KAT6B: variants seen among roughly 807,000 people sequenced by gnomAD.
KAT6B encodes histone acetyltransferase KAT6B.
A neutral mutation model predicts 187.5 loss-of-function variants in KAT6B; 10 were observed. The observed-to-expected ratio is 0.05, with a 90% CI of 0.03 to 0.09. The LOEUF (loss-of-function observed/expected upper bound fraction) is 0.09, where lower values mean the gene tolerates loss of function less well. Ranked by LOEUF, KAT6B falls within the 10% of genes least tolerant of loss-of-function variation. The pLI is 1.00. For synonymous variants in KAT6B, 861 were observed against 926.8 expected, an observed-to-expected ratio of 0.93 and a Z score of 1.29; for missense variants, 1,952 against 2,558.9, an observed-to-expected ratio of 0.76 and a Z score of 5.12.
intron 13 of KAT6B, among the ~76,000 whole-genome samples, chr10:74,995,343 GTTTGTTTTTTATTTTATA>G (rs2133917304): frequency 6.6e-6 from 1 of 152,216 alleles, no homozygotes; most frequent in East Asian, 1.9e-4. Context: ...ATTTGTTTCT[GTTTGTTTTTTATTTTATA>G]CTTGTTACCT....
At chr10:75,014,648 G>T (rs1390353253) in intron 13 of KAT6B, among the ~76,000 whole-genome samples, 1 of 152,182 alleles carries the variant, frequency 6.6e-6, no homozygotes, top group East Asian at 1.9e-4. Context: ...CTATTCAAGT[G>T]TGGTCCATGG....
At chr10:74,961,209 C>T (rs895324875) in intron 4 of KAT6B, among the ~76,000 whole-genome samples, 1 of 152,140 alleles carries the variant, frequency 6.6e-6, no homozygotes, top group African/African-American at 2.4e-5. Context: ...TCTGTACGTT[C>T]AGTTTAATAC....
chr10:74,896,117 T>TA (rs562144934), intron 3 of KAT6B, among the ~76,000 whole-genome samples: 47 of 152,102 alleles, frequency 3.1e-4, no homozygotes, highest in Non-Finnish European at 6.6e-4. Flanking sequence ...GCCTCTTAGG[T>TA]ACAGCCCAGG....
At chr10:74,939,557 C>T (rs909520389) in intron 3 of KAT6B, among the ~76,000 whole-genome samples, 6 of 151,986 alleles carry the variant, frequency 3.9e-5, no homozygotes, top group African/African-American at 1.5e-4. Context: ...TGCGCCACCA[C>T]GACCGGCTAA....
intron 3 of KAT6B, among the ~76,000 whole-genome samples, chr10:74,894,013 C>G (rs1845818216): frequency 6.6e-6 from 1 of 152,196 alleles, no homozygotes; most frequent in African/African-American, 2.4e-5. Context: ...TAATAAAGGT[C>G]ACGTCCCCAT....
chr10:74,991,348 A>T (rs1026518387), intron 13 of KAT6B, among the ~76,000 whole-genome samples: 5 of 152,234 alleles, frequency 3.3e-5, no homozygotes, highest in Non-Finnish European at 7.3e-5. Flanking sequence ...ACTGGTACTT[A>T]CTAGGTAAAA....
chr10:75,013,413 G>C (rs926590157), intron 13 of KAT6B, among the ~76,000 whole-genome samples: 13 of 151,924 alleles, frequency 8.6e-5, no homozygotes, highest in African/African-American at 2.2e-4. Flanking sequence ...GGTTAGCTGG[G>C]GGGAGGGGAG....
chr10:74,885,203 G>A (rs1845150474), intron 3 of KAT6B, among the ~76,000 whole-genome samples: 1 of 151,816 alleles, frequency 6.6e-6, no homozygotes, highest in South Asian at 2.1e-4. Context: ...GAGTAGCTGG[G>A]ATTACAGGCA....
At chr10:74,825,991 C>A (rs1361668058), upstream of KAT6B, among the ~76,000 whole-genome samples, 1 of 151,728 alleles carries the variant, frequency 6.6e-6, no homozygotes, top group Non-Finnish European at 1.5e-5. This position sits in a 1 kb window ranked among gnomAD's most constrained non-coding sequence, Gnocchi z 5.0. Flanking sequence ...TCCGCACACT[C>A]CACCGAAGGA....
At chr10:74,896,584 C>G (rs890317833) in intron 3 of KAT6B, among the ~76,000 whole-genome samples, 1 of 152,228 alleles carries the variant, frequency 6.6e-6, no homozygotes, top group African/African-American at 2.4e-5. Flanking sequence ...GCCACAACAC[C>G]CGGCCTATTT....
At chr10:74,869,373 G>T (rs991398547) in intron 3 of KAT6B, among the ~76,000 whole-genome samples, 4 of 152,022 alleles carry the variant, frequency 2.6e-5, no homozygotes, top group Admixed American at 6.6e-5. Context: ...TCTCCCCTCA[G>T]TGCAACCTCT....
intron 10 of KAT6B, among the ~76,000 whole-genome samples, chr10:74,981,372 T>C (rs1397098198): frequency 6.6e-6 from 1 of 151,658 alleles, no homozygotes. Context: ...TTCCTTTCTT[T>C]CCTTTCTTTC....
At chr10:75,004,747 G>A (rs1389988667) in intron 13 of KAT6B, among the ~76,000 whole-genome samples, 2 of 152,156 alleles carry the variant, frequency 1.3e-5, no homozygotes, top group African/African-American at 2.4e-5. Flanking sequence ...TGTCACCCAG[G>A]CTGGAGTACA....
chr10:74,914,707 T>C (rs1472827693), intron 3 of KAT6B, among the ~76,000 whole-genome samples: 1 of 152,226 alleles, frequency 6.6e-6, no homozygotes, highest in Non-Finnish European at 1.5e-5. Flanking sequence ...TCAGTGCAAA[T>C]TGATATTTTT....
chr10:74,856,029 G>A (rs1429397510), intron 3 of KAT6B, among the ~76,000 whole-genome samples: 1 of 152,112 alleles, frequency 6.6e-6, no homozygotes, highest in East Asian at 1.9e-4. Context: ...ATTCGGCAGT[G>A]GAATGAGTGT....
chr10:74,843,652 G>A (rs897827790), intron 3 of KAT6B, among the ~76,000 whole-genome samples, 174 bp downstream of exon 3: 2 of 152,134 alleles, frequency 1.3e-5, no homozygotes, highest in African/African-American at 4.8e-5. Flanking sequence ...ATTGTGTGGA[G>A]GACTTCCTCA....
In KAT6B at chr10:75,025,164, C is replaced by G. The variant is rs1845724332; in HGVS notation, c.3579C>G (p.Phe1193Leu). Residue 1193 changes from phenylalanine (F) to leucine (L), a missense_variant, in exon 17 of 18, where the codon TTC (phenylalanine) becomes TTG (leucine). Physicochemically the swap from Phe to Leu is conservative, Grantham distance 22. Transcript: ENST00000287239. ...GGAAGCCAGTCCTGAGAAAAGCATTCCAGCATCAGCCTGGGAAGAAAAGAC... is the reference window on the plus strand; with the variant it reads ...GGAAGCCAGTCCTGAGAAAAGCATTGCAGCATCAGCCTGGGAAGAAAAGAC... ...DGRKPVLRKA[F>L]QHQPGKKRQT... is the part of the protein sequence containing the mutation. The G allele has an allele frequency of 6.2e-7, 1 of 1,614,146 alleles. No individual in the cohort carries two copies. The highest frequency in any genetic ancestry group is 8.5e-7 in the Non-Finnish European group (1 of 1,180,012).
rs564911192 is a variant in KAT6B, at chr10:74,982,836, G to A, written c.2373+908G>A. ...TGATGTCCTCTTTCTCTGGAATATA[G>A]TTTCACTTCTGGATTTTCTTTTTCT... On this transcript the variant is annotated intron_variant, in intron 11 of 17. Coordinates refer to ENST00000287239, the MANE Select transcript of KAT6B (RefSeq NM_012330.4). The A allele has an allele frequency of 3.3e-5, 5 of 152,366 alleles. No homozygotes were observed. In the South Asian group the frequency reaches 1.0e-3, roughly 32 times the overall value. The allele number at this position is 152,366 out of a possible 1,614,324, so 9.4% of individuals were successfully genotyped here. A position where few individuals can be genotyped will look rare whatever the true frequency, so the allele number is the denominator to read the frequency against.
rs759212867 is a variant in KAT6B, at chr10:74,976,186, A to C, written c.1849A>C (p.Ile617Leu). The change falls in exon 8 of 18, where the codon ATT becomes CTT. Residue 617 changes from isoleucine to leucine, a missense_variant. Ile to Leu is a conservative substitution (Grantham distance 5). Transcript: ENST00000287239. Reference protein sequence around the residue: ...GMARGSIFKAIAHFKRTTFLK... With the variant: ...GMARGSIFKALAHFKRTTFLK... ...GGCTAGAGGAAGTATTTTTAAAGCA[A>C]TTGCTCACTTCAAGCGAACAACTTT... is the stretch of plus-strand genomic sequence containing the variant. The C allele has an allele frequency of 5.0e-6, 8 of 1,614,032 alleles. No individual in the cohort carries two copies. The highest frequency in any genetic ancestry group is 3.3e-5 in the Admixed American group (2 of 60,004).
Sources: gnomAD v4.1 joint callset for allele counts (sites outside exome capture counted in the v4.1 genomes callset) on GRCh38, gnomAD v4.1.1 for gene constraint, Gnocchi (gnomAD v3.1) non-coding constraint, MANE v1.5 for transcripts, NCBI Gene and HGNC (gene_info 2026-07-23, HGNC 2026-07-21) for gene names.